The following SBK2 variants were observed in gnomAD, a reference collection of about 807,000 sequenced individuals.
The protein encoded by SBK2 is SH3 domain binding kinase family member 2, also known as serine/threonine-protein kinase SBK2.
In SBK2, 18 loss-of-function variants were observed where a neutral mutation model predicts 15.9. The observed-to-expected ratio is 1.13, with a 90% CI of 0.78 to 1.68. The LOEUF (loss-of-function observed/expected upper bound fraction) is 1.68. Among genes scored for constraint, SBK2 ranks in the 40% most tolerant of loss-of-function variants. The pLI, the probability that SBK2 is intolerant of heterozygous loss-of-function variation, is 0.00. For missense variants in SBK2, 581 were observed against 510.9 expected, an observed-to-expected ratio of 1.14 and a Z score of -1.32; for synonymous variants, 284 against 246.8, an observed-to-expected ratio of 1.15 and a Z score of -1.41.
intron 1 of SBK2, among the ~76,000 whole-genome samples, chr19:55,536,748 G>A (rs2123483309): frequency 6.6e-6 from 1 of 151,840 alleles, no homozygotes. Flanking sequence ...GACAGGCCTG[G>A]GGTCCCACTT....
Position 55,530,293 on chromosome 19 carries a change from AGC to A in SBK2, c.485_486del (p.Arg162LeufsTer336). The A allele has an allele frequency of 6.9e-7, 1 of 1,443,050 alleles. No homozygotes were observed. Among genetic ancestry groups the A allele is most frequent in the South Asian group, 1.4e-5 (1 of 69,256 alleles). The allele number at this position is 1,443,050 out of a possible 1,614,324, so 89.4% of individuals were successfully genotyped here. A position where few individuals can be genotyped will look rare whatever the true frequency, so the allele number is the denominator to read the frequency against. ...KVGLPQPAVH[R>X]CAAQLASALE... is the part of the protein sequence containing the mutation. ...AGGGCGGAGGCCAGCTGGGCGGCGC[AGC>A]GGTGCACCGCGGGCTGCGGGAGGCC... On this transcript the variant is annotated frameshift_variant, in exon 4 of 4. Transcript: ENST00000413299. LOFTEE classifies it low-confidence loss of function (END_TRUNC).
intron 3 of SBK2, 81 bp downstream of exon 3, chr19:55,531,062 G>T: frequency 7.5e-7 from 1 of 1,333,998 alleles, no homozygotes; most frequent in Non-Finnish European, 1.1e-6. Context: ...AGTGGCTGTG[G>T]CTCCTGCGGC....
Position 55,529,096 on chromosome 19 carries a change from T to C in SBK2, c.*637A>G, listed in dbSNP as rs1426890426. On this transcript the variant is annotated 3_prime_UTR_variant, in exon 4 of 4. Coordinates refer to ENST00000413299, the MANE Select transcript of SBK2 (RefSeq NM_001370096.2). ...GCAAGACCCGCCCCCAACCATCTTTTTAAAAAGTTAAAAATTAGCCTAGCG... is the reference window on the plus strand; with the variant it reads ...GCAAGACCCGCCCCCAACCATCTTTCTAAAAAGTTAAAAATTAGCCTAGCG... Among the ~76,000 whole-genome samples, 2 of 149,904 alleles carry C rather than the reference T, an allele frequency of 1.3e-5. No homozygotes were observed. The highest frequency in any genetic ancestry group is 2.9e-5 in the Non-Finnish European group (2 of 67,990).
intron 2 of SBK2, among the ~76,000 whole-genome samples, chr19:55,535,048 G>A (rs977386698): frequency 1.3e-5 from 2 of 152,006 alleles, no homozygotes; most frequent in African/African-American, 4.8e-5. Flanking sequence ...AAAGAAAAAA[G>A]TCAAAAGTTC....
chr19:55,532,933 C>T (rs999252573), intron 2 of SBK2, among the ~76,000 whole-genome samples: 1 of 152,166 alleles, frequency 6.6e-6, no homozygotes, highest in African/African-American at 2.4e-5. Context: ...GCTGGGATTA[C>T]AGGTGTGAGC....
Position 55,529,787 on chromosome 19 carries a change from CT to C in SBK2, c.992del (p.Gln331ArgfsTer74), listed in dbSNP as rs759283849. On this transcript the variant is annotated frameshift_variant, in exon 4 of 4. Transcript: ENST00000413299. LOFTEE classifies it low-confidence loss of function (END_TRUNC). ...IREHLGRPWR[Q>X]REGEAEAVGA... ...CCACTGCCTCCGCCTCGCCCTCCCG[CT>C]GCCTCCAGGGGCGCCCCAGGTGCTC... The C allele has an allele frequency of 1.1e-4, 177 of 1,604,098 alleles. No homozygotes were observed. Among genetic ancestry groups the C allele is most frequent in the Non-Finnish European group, 1.5e-4 (173 of 1,179,732 alleles).
rs1427403312 is a variant in SBK2, at chr19:55,529,423, G to C, written c.*310C>G. Among the ~76,000 whole-genome samples the C allele has an allele frequency of 6.6e-6, 1 of 152,066 alleles. No individual in the cohort carries two copies. Among genetic ancestry groups the C allele is most frequent in the Non-Finnish European group, 1.5e-5 (1 of 68,010 alleles). On this transcript the variant is annotated 3_prime_UTR_variant, in exon 4 of 4. Transcript: ENST00000413299. ...AAAAAATAAAAATGCGAGGGGTGAG[G>C]GGATGAGCCTAAAGTGCCCTGAGCA...
rs1988170539 is a variant in SBK2 at position 55,528,687 on chromosome 19, C to T, written c.*1046G>A. Among the ~76,000 whole-genome samples the T allele has an allele frequency of 1.3e-5, 2 of 152,020 alleles. No homozygotes were observed. Among genetic ancestry groups the T allele is most frequent in the Admixed American group, 1.3e-4 (2 of 15,250 alleles). On this transcript the variant is annotated 3_prime_UTR_variant, in exon 4 of 4. Coordinates refer to ENST00000413299, the MANE Select transcript of SBK2 (RefSeq NM_001370096.2). The stretch of plus-strand genomic sequence containing the variant: ...AAAACACATCACAGAGAGGGTGGTG[C>T]CAGGTGGGAGGGAGACCCGGCCGGA...
rs544071497 is a variant in SBK2, at chr19:55,530,321, C to T, written c.459G>A (p.Val153=). 5.0e-6 allele frequency: 7 copies of T among 1,404,320 alleles called. No homozygotes were observed. In the South Asian group the frequency reaches 1.1e-4, roughly 22 times the overall value. 87.0% of individuals were successfully genotyped at this position (1,404,320 alleles called of 1,614,324 possible). The change falls in exon 4 of 4, where the codon GTG becomes GTA. Residue 153 remains valine (V), a splice_region_variant and synonymous_variant. Coordinates refer to ENST00000413299, the MANE Select transcript of SBK2 (RefSeq NM_001370096.2). ...GDLMAFIQPK[V]GLPQPAVHRC... ...GGTGCACCGCGGGCTGCGGGAGGCC[C>T]ACCTGCGGGGAGAGGGGTCAGGGCC...
At chr19:55,533,818 C>T (rs1340358573) in intron 2 of SBK2, among the ~76,000 whole-genome samples, 1 of 152,062 alleles carries the variant, frequency 6.6e-6, no homozygotes, top group Non-Finnish European at 1.5e-5. Context: ...GGCCACGCCA[C>T]CCGGTGTTGG....
At position 55,530,326 on chromosome 19, in the gene SBK2, G is replaced by T. The variant is rs986839893; in HGVS notation, c.457-3C>A. On this transcript the variant is annotated splice_region_variant and splice_polypyrimidine_tract_variant and intron_variant, in intron 3 of 3. Coordinates refer to ENST00000413299, the MANE Select transcript of SBK2 (RefSeq NM_001370096.2). ...ACCGCGGGCTGCGGGAGGCCCACCT[G>T]CGGGGAGAGGGGTCAGGGCCCAGTG... 1.4e-5 allele frequency: 19 copies of T among 1,402,288 alleles called. No individual in the cohort carries two copies. In the African/African-American group the frequency reaches 2.9e-4, roughly 21 times the overall value. The allele number at this position is 1,402,288 out of a possible 1,614,324, so 86.9% of individuals were successfully genotyped here.
intron 2 of SBK2, among the ~76,000 whole-genome samples, chr19:55,533,808 G>A (rs1226118775): frequency 2.0e-5 from 3 of 151,688 alleles, no homozygotes; most frequent in Non-Finnish European, 4.4e-5. Flanking sequence ...CTGCCGCCAC[G>A]GCCACGCCAC....
rs933031118 is a variant in SBK2, at chr19:55,528,680, G to A, written c.*1053C>T. On this transcript the variant is annotated 3_prime_UTR_variant, in exon 4 of 4. Transcript: ENST00000413299. ...AGAAGGCAAAACACATCACAGAGAG[G>A]GTGGTGCCAGGTGGGAGGGAGACCC... Among the ~76,000 whole-genome samples the A allele has an allele frequency of 4.6e-5, 7 of 152,174 alleles. No individual in the cohort carries two copies. Among genetic ancestry groups the A allele is most frequent in the Non-Finnish European group, 8.8e-5 (6 of 68,036 alleles).
rs188436799 is a variant in SBK2 at position 55,532,839 on chromosome 19, T to G, written c.254-1494A>C. Among the ~76,000 whole-genome samples, 347 of 152,162 alleles carry G rather than the reference T, an allele frequency of 2.3e-3. 2 individuals carry two copies. Among genetic ancestry groups the G allele is most frequent in the African/African-American group, 8.2e-3 (339 of 41,520 alleles). ...CTGGCTAAGTTTTTTAAAAAAAATT[T>G]GTAGAGACGGTCTCGCTATGTTGCC... On this transcript the variant is annotated intron_variant, in intron 2 of 3. Coordinates refer to ENST00000413299, the MANE Select transcript of SBK2 (RefSeq NM_001370096.2).
chr19:55,531,276 C>G lies in SBK2; in HGVS notation c.323G>C (p.Cys108Ser). 6.2e-7 allele frequency: 1 copy of G among 1,613,712 alleles called. No homozygotes were observed. The highest frequency in any genetic ancestry group is 1.7e-5 in the Admixed American group (1 of 59,988). ...TSLRGFLYEF[C>S]VGLSLGAHSA... ...GTGCGCGCCCAGCGAGAGCCCCACA[C>G]AGAACTCGTACAGGAAGCCACGGAG... The change falls in exon 3 of 4, where the codon TGT (cysteine) becomes TCT (serine). Residue 108 changes from cysteine (C) to serine (S), a missense_variant. Coordinates refer to ENST00000413299, the MANE Select transcript of SBK2 (RefSeq NM_001370096.2).
chr19:55,531,369 G>A, intron 2 of SBK2, 24 bp from the exon 3 acceptor site: 1 of 1,571,626 alleles, frequency 6.4e-7, no homozygotes, highest in South Asian at 1.2e-5. Context: ...GACAGGTATG[G>A]GAGGCGTGCA....
chr19:55,531,696 G>A (rs1988272950), intron 2 of SBK2, among the ~76,000 whole-genome samples: 1 of 152,222 alleles, frequency 6.6e-6, no homozygotes, highest in Non-Finnish European at 1.5e-5. Flanking sequence ...GTTTTAAAAA[G>A]GCCGGGCACT....
chr19:55,532,844 A>C (rs1988305351), intron 2 of SBK2, among the ~76,000 whole-genome samples: 1 of 152,006 alleles, frequency 6.6e-6, no homozygotes, highest in Non-Finnish European at 1.5e-5. Context: ...AAATTTGTAG[A>C]GACGGTCTCG....
chr19:55,533,002 T>C (rs2123478632), intron 2 of SBK2, among the ~76,000 whole-genome samples: 1 of 152,078 alleles, frequency 6.6e-6, no homozygotes, highest in South Asian at 2.1e-4. Context: ...GGTGCAACCT[T>C]CCCCCTCACA....
Sources: allele counts gnomAD v4.1 joint callset (sites outside exome capture counted in the v4.1 genomes callset), GRCh38; gene constraint gnomAD v4.1.1; transcripts MANE v1.5; gene names NCBI Gene and HGNC (gene_info 2026-07-23, HGNC 2026-07-21).